Variants in AGBL4 observed in about 807,000 individuals in gnomAD.
AGBL4 encodes cytosolic carboxypeptidase 6.
Under a neutral mutation model 66.4 loss-of-function variants are expected in AGBL4, and 58 were observed. The observed-to-expected ratio is 0.87, with a 90% CI of 0.71 to 1.09. AGBL4 has a LOEUF of 1.09. Among genes scored for constraint, AGBL4 ranks in the 50% least tolerant of loss-of-function variants. AGBL4 has a pLI of 0.00. For synonymous variants in AGBL4, 234 were observed against 222.9 expected, an observed-to-expected ratio of 1.05 and a Z score of -0.44; for missense variants, 579 against 631.0, an observed-to-expected ratio of 0.92 and a Z score of 0.88.
intron 1 of AGBL4, among the ~76,000 whole-genome samples, chr1:49,991,361 A>G (rs1331092539): frequency 6.6e-6 from 1 of 152,186 alleles, no homozygotes; most frequent in Non-Finnish European, 1.5e-5. Flanking sequence ...CAATATATGT[A>G]TAAATAATTC....
At chr1:49,806,362 T>G (rs1240562699) in intron 2 of AGBL4, among the ~76,000 whole-genome samples, 1 of 152,216 alleles carries the variant, frequency 6.6e-6, no homozygotes, top group Non-Finnish European at 1.5e-5. Context: ...AGTATTTTGT[T>G]GAAGTATTTC....
At chr1:49,624,900 C>G (rs887113314) in intron 3 of AGBL4, among the ~76,000 whole-genome samples, 29 of 152,158 alleles carry the variant, frequency 1.9e-4, no homozygotes, top group African/African-American at 7.0e-4. Context: ...AACTAATATA[C>G]TTGCCTTCAG....
rs544711494 is a variant in AGBL4, at chr1:48,980,718, AATATATATATATATATATATATATAT to A, written c.594+64840_594+64865del. On this transcript the variant is annotated intron_variant, in intron 5 of 13. Transcript: ENST00000371839. ...ATTAGTGTTTAAAAAGTAAAGAAGA[AATATATATATATATATATATATATAT>A]ATATATATATATATATATATATATA... 7.8e-3 allele frequency among the ~76,000 whole-genome samples: 719 copies of A among 92,298 alleles called. 14 individuals carry two copies. The highest frequency in any genetic ancestry group is 0.015 in the African/African-American group (362 of 24,342). The allele number at this position is 92,298 out of a possible 152,430, so 60.6% of individuals were successfully genotyped here.
chr1:49,478,363 T>G (rs946296620), intron 3 of AGBL4, among the ~76,000 whole-genome samples: 3 of 151,616 alleles, frequency 2.0e-5, no homozygotes, highest in African/African-American at 7.3e-5. Context: ...AAGAAAGAAA[T>G]AACATATAAG....
chr1:49,920,719 G>A (rs919832379), intron 1 of AGBL4, among the ~76,000 whole-genome samples: 2 of 152,162 alleles, frequency 1.3e-5, no homozygotes, highest in South Asian at 2.1e-4. Context: ...AATACCATTT[G>A]ACCCAGCCAT....
At chr1:49,590,689 T>C (rs190769168) in intron 3 of AGBL4, among the ~76,000 whole-genome samples, 1 of 152,090 alleles carries the variant, frequency 6.6e-6, no homozygotes, top group African/African-American at 2.4e-5. Flanking sequence ...AATATCCTCA[T>C]GAAACTTCAG....
chr1:49,502,144 G>C (rs1267927405), intron 3 of AGBL4, among the ~76,000 whole-genome samples: 1 of 152,122 alleles, frequency 6.6e-6, no homozygotes, highest in Non-Finnish European at 1.5e-5. Context: ...CTGTCAACTT[G>C]ATTGGATTGA....
At chr1:49,867,218 T>A (rs1205398933) in intron 1 of AGBL4, among the ~76,000 whole-genome samples, 1 of 152,028 alleles carries the variant, frequency 6.6e-6, no homozygotes, top group Non-Finnish European at 1.5e-5. Flanking sequence ...CTCTTTTACC[T>A]GTGGCTCGTC....
chr1:49,766,501 C>T (rs6588357), intron 2 of AGBL4, among the ~76,000 whole-genome samples: 92,059 of 151,896 alleles, frequency 0.61, 28,587 homozygotes, highest in Non-Finnish European at 0.67. Context: ...TAGCTAACAA[C>T]CCCTATAAAG....
At chr1:48,622,374 C>A (rs1446538461) in intron 9 of AGBL4, among the ~76,000 whole-genome samples, 4 of 151,976 alleles carry the variant, frequency 2.6e-5, no homozygotes, top group African/African-American at 7.2e-5. Context: ...CTATCATTAA[C>A]ATGTGCTACC....
chr1:48,979,515 G>C (rs559801923), intron 5 of AGBL4, among the ~76,000 whole-genome samples: 1 of 152,058 alleles, frequency 6.6e-6, no homozygotes, highest in South Asian at 2.1e-4. Flanking sequence ...AGTGATAAGC[G>C]ATAAGGTATA....
At chr1:49,778,579 A>G (rs759042622) in intron 2 of AGBL4, among the ~76,000 whole-genome samples, 31 of 152,210 alleles carry the variant, frequency 2.0e-4, no homozygotes, top group Admixed American at 3.3e-4. Flanking sequence ...GGAATGCAAG[A>G]CCAGGAAGTG....
At chr1:49,917,240 A>G (rs1651633509) in intron 1 of AGBL4, among the ~76,000 whole-genome samples, 1 of 152,174 alleles carries the variant, frequency 6.6e-6, no homozygotes, top group South Asian at 2.1e-4. Flanking sequence ...TAACAATATT[A>G]ACCTTAAATG....
chr1:49,523,969 C>T (rs184502284), intron 3 of AGBL4, among the ~76,000 whole-genome samples: 23 of 152,070 alleles, frequency 1.5e-4, no homozygotes, highest in Admixed American at 3.3e-4. Flanking sequence ...TCATCATCAT[C>T]ATCATCATCA....
At chr1:48,678,070 T>G (rs1218122564) in intron 6 of AGBL4, among the ~76,000 whole-genome samples, 4 of 152,108 alleles carry the variant, frequency 2.6e-5, no homozygotes, top group African/African-American at 9.7e-5. Context: ...CCGAAGTACC[T>G]CGGGAGCTCT....
At chr1:49,392,179 A>T (rs1209502275) in intron 3 of AGBL4, among the ~76,000 whole-genome samples, 4 of 152,168 alleles carry the variant, frequency 2.6e-5, no homozygotes, top group African/African-American at 9.6e-5. Context: ...TAAAATTATA[A>T]TGATAGTTTC....
At chr1:49,367,898 A>G (rs1241355667) in intron 3 of AGBL4, among the ~76,000 whole-genome samples, 1 of 152,164 alleles carries the variant, frequency 6.6e-6, no homozygotes, top group African/African-American at 2.4e-5. Context: ...GAACCCATCT[A>G]CATTAAGTAT....
intron 6 of AGBL4, among the ~76,000 whole-genome samples, chr1:48,691,482 C>G (rs1356958614): frequency 6.6e-6 from 1 of 151,972 alleles, no homozygotes; most frequent in Non-Finnish European, 1.5e-5. Flanking sequence ...AGAAAGGAGG[C>G]AGAAACCACG....
At chr1:49,463,808 G>A (rs1410315746) in intron 3 of AGBL4, among the ~76,000 whole-genome samples, 2 of 151,740 alleles carry the variant, frequency 1.3e-5, no homozygotes, top group South Asian at 2.1e-4. Context: ...TCAACTGAGT[G>A]TGCTAAGAGT....
Sources: gnomAD v4.1 joint callset for allele counts (sites outside exome capture counted in the v4.1 genomes callset) on GRCh38, gnomAD v4.1.1 for gene constraint, MANE v1.5 for transcripts, NCBI Gene and HGNC (gene_info 2026-07-23, HGNC 2026-07-21) for gene names.